The following TBC1D8 variants were observed in gnomAD, a reference collection of about 807,000 sequenced individuals.
The protein encoded by TBC1D8 is BUB2-like protein 1.
TBC1D8 carries 65 observed loss-of-function variants against 118.8 expected under a neutral mutation model. The observed-to-expected ratio is 0.55, with a 90% CI of 0.45 to 0.67. TBC1D8 has a LOEUF of 0.67. TBC1D8 is among the 30% of genes least tolerant of loss of function. The pLI is 0.00. For synonymous variants in TBC1D8, 566 were observed against 595.8 expected (o/e 0.95, Z 0.73); for missense variants, 1,376 against 1,471.2 (o/e 0.94, Z 1.06).
intron 4 of TBC1D8, 146 bp downstream of exon 4, chr2:101,053,962 T>C: frequency 2.9e-6 from 2 of 700,642 alleles, no homozygotes; most frequent in Non-Finnish European, 4.8e-6. Flanking sequence ...AGCAGTAGCA[T>C]ATATAAGTAA....
chr2:101,085,681 G>A (rs1328785177), intron 2 of TBC1D8, among the ~76,000 whole-genome samples: 2 of 152,332 alleles, frequency 1.3e-5, no homozygotes, highest in African/African-American at 4.8e-5. Context: ...TTCTGTGCTA[G>A]AAGAGAATGG....
intron 1 of TBC1D8, among the ~76,000 whole-genome samples, chr2:101,114,803 T>C (rs1337001788): frequency 6.6e-6 from 1 of 152,234 alleles, no homozygotes; most frequent in Non-Finnish European, 1.5e-5. Flanking sequence ...GTCATTCATA[T>C]GGGAATTTAA....
chr2:101,008,840 G>A (rs779494657), intron 19 of TBC1D8, among the ~76,000 whole-genome samples: 3 of 151,856 alleles, frequency 2.0e-5, no homozygotes, highest in Non-Finnish European at 2.9e-5. Context: ...CCACAGCAAC[G>A]TACAGATTTA....
intron 2 of TBC1D8, among the ~76,000 whole-genome samples, chr2:101,085,945 T>A (rs141426144): frequency 6.6e-6 from 1 of 152,098 alleles, no homozygotes; most frequent in Non-Finnish European, 1.5e-5. Context: ...ATTGAGACCA[T>A]CCTGGCTAAC....
intron 17 of TBC1D8, among the ~76,000 whole-genome samples, chr2:101,016,976 A>G (rs1679695872): frequency 2.6e-5 from 4 of 152,064 alleles, no homozygotes; most frequent in Non-Finnish European, 5.9e-5. Flanking sequence ...CCTAATGCTA[A>G]ATGACGAGTT....
intron 3 of TBC1D8, among the ~76,000 whole-genome samples, chr2:101,055,314 C>T (rs182808501): frequency 7.9e-5 from 12 of 151,506 alleles, no homozygotes; most frequent in Non-Finnish European, 1.3e-4. Context: ...GCTTGAACCC[C>T]GGAGGCAGAG....
At chr2:101,068,844 CAAA>C (rs2105433864) in intron 2 of TBC1D8, among the ~76,000 whole-genome samples, 1 of 152,050 alleles carries the variant, frequency 6.6e-6, no homozygotes, top group South Asian at 2.1e-4. Context: ...ACTAAAAATA[CAAA>C]AATTAGCTGA....
chr2:101,137,503 G>A lies in TBC1D8; in HGVS notation c.127+13624C>T, dbSNP rs189829475. 1.0e-3 allele frequency among the ~76,000 whole-genome samples: 157 copies of A among 151,430 alleles called. 1 individual carries two copies. The highest frequency in any genetic ancestry group is 3.6e-3 in the African/African-American group (148 of 41,200). On this transcript the variant is annotated intron_variant, in intron 1 of 19. Coordinates refer to ENST00000409318, the MANE Select transcript of TBC1D8 (RefSeq NM_001330348.2). ...AATTTTTTGTATTTTTAGTAGAGACGGGGTTTCACCGTGTTAGCTAGGATG... is the reference window on the plus strand; with the variant it reads ...AATTTTTTGTATTTTTAGTAGAGACAGGGTTTCACCGTGTTAGCTAGGATG...
chr2:101,085,393 G>GA (rs1331320369), intron 2 of TBC1D8, among the ~76,000 whole-genome samples: 4 of 151,382 alleles, frequency 2.6e-5, no homozygotes, highest in East Asian at 1.9e-4. Context: ...CTAGGGGGGA[G>GA]AAAAAAAATA....
chr2:101,050,427 C>A lies in TBC1D8; in HGVS notation c.846G>T (p.Leu282=), dbSNP rs1307897522. 14 of 1,613,440 alleles carry A rather than the reference C, an allele frequency of 8.7e-6. No individual in the cohort carries two copies. The highest frequency in any genetic ancestry group is 1.3e-5 in the African/African-American group (1 of 74,898). ...TCTTGGTGATCTGGCTCGGCTCCTGCAGATCGGGGTCGAGGTCAAAGACCT... is the reference window on the plus strand; with the variant it reads ...TCTTGGTGATCTGGCTCGGCTCCTGAAGATCGGGGTCGAGGTCAAAGACCT... ...DNEVFDLDPD[L]QEPSQITKRD... is the part of the protein sequence containing the mutation. Residue 282 remains leucine, a synonymous_variant, in exon 5 of 20, where the codon CTG becomes CTT. Transcript: ENST00000409318.
chr2:101,067,146 A>G (rs1683061561), intron 2 of TBC1D8, among the ~76,000 whole-genome samples: 1 of 152,176 alleles, frequency 6.6e-6, no homozygotes, highest in African/African-American at 2.4e-5. Flanking sequence ...CAGAGTGTTT[A>G]CGACTTCAGT....
At position 101,029,899 on chromosome 2, in the gene TBC1D8, C is replaced by A. The variant is rs117127477; in HGVS notation, c.1937-123G>T. ...ATGGAATTTGAGTCCAGAAAAGCGT[C>A]CATGCTTAGTTCATTGATTCTGACT... On this transcript the variant is annotated intron_variant, in intron 11 of 19. Coordinates refer to ENST00000409318, the MANE Select transcript of TBC1D8 (RefSeq NM_001330348.2). 37 of 970,680 alleles carry A rather than the reference C, an allele frequency of 3.8e-5. No homozygotes were observed. In the East Asian group the frequency reaches 8.6e-4, roughly 23 times the overall value. 60.1% of individuals were successfully genotyped at this position (970,680 alleles called of 1,614,324 possible). A position where few individuals can be genotyped will look rare whatever the true frequency, so the allele number is the denominator to read the frequency against.
chr2:101,054,421 G>A (rs1682262064), intron 3 of TBC1D8, 85 bp from the exon 4 acceptor site: 1 of 1,362,394 alleles, frequency 7.3e-7, no homozygotes, highest in Non-Finnish European at 1.0e-6. Flanking sequence ...AGGAGGGACT[G>A]AGGTGCACAG....
chr2:101,027,990 C>T lies in TBC1D8; in HGVS notation c.2451+58G>A, dbSNP rs1680436903. ...CATTCTTATGACCAAAAAGGATGCG[C>T]ACTCCCAGGTTGGCTCCCCAATACC... On this transcript the variant is annotated intron_variant, in intron 14 of 19. Coordinates refer to ENST00000409318, the MANE Select transcript of TBC1D8 (RefSeq NM_001330348.2). The T allele has an allele frequency of 4.7e-6, 7 of 1,490,606 alleles. No homozygotes were observed. The Admixed American group carries it at 1.2e-4, about 26-fold the overall frequency. The allele number at this position is 1,490,606 out of a possible 1,614,324, so 92.3% of individuals were successfully genotyped here.
chr2:101,144,599 A>G (rs571713403), intron 1 of TBC1D8, among the ~76,000 whole-genome samples: 7 of 152,320 alleles, frequency 4.6e-5, no homozygotes, highest in African/African-American at 1.7e-4. Flanking sequence ...ATAGGGGGAA[A>G]AAATCCATGC....
intron 1 of TBC1D8, among the ~76,000 whole-genome samples, chr2:101,116,603 T>C (rs1042882001): frequency 2.5e-4 from 38 of 152,110 alleles, no homozygotes; most frequent in African/African-American, 8.4e-4. Flanking sequence ...CAGGGCCACA[T>C]TGAAGGTGTG....
At chr2:101,068,509 A>G in intron 2 of TBC1D8, 1 of 422,358 alleles carries the variant, frequency 2.4e-6, no homozygotes, top group Non-Finnish European at 4.3e-6. Flanking sequence ...TGTCTCTGGA[A>G]GATGGAACCA....
intron 1 of TBC1D8, among the ~76,000 whole-genome samples, chr2:101,115,663 A>G (rs1330019739): frequency 2.0e-5 from 3 of 152,146 alleles, no homozygotes; most frequent in Non-Finnish European, 4.4e-5. Context: ...AGGCACAAGA[A>G]CTGCTTGAAC....
chr2:101,014,073 G>GACC lies in TBC1D8; in HGVS notation c.2828-2534_2828-2533insGGT, dbSNP rs575793986. Among the ~76,000 whole-genome samples, 185 of 152,336 alleles carry GACC rather than the reference G, an allele frequency of 1.2e-3. 1 individual carries two copies. Among genetic ancestry groups the GACC allele is most frequent in the Admixed American group, 0.011 (172 of 15,300 alleles). On this transcript the variant is annotated intron_variant, in intron 17 of 19. Coordinates refer to ENST00000409318, the MANE Select transcript of TBC1D8 (RefSeq NM_001330348.2). Reference sequence around the variant, plus strand: ...ATCACTTGAGATGCAACAGCTACTGGAGGCAGGGATCATACATCCAATTTC... The same window carrying GACC: ...ATCACTTGAGATGCAACAGCTACTGGACCAGGCAGGGATCATACATCCAATTTC...
Sources: gnomAD v4.1 joint callset for allele counts (sites outside exome capture counted in the v4.1 genomes callset) on GRCh38, gnomAD v4.1.1 for gene constraint, MANE v1.5 for transcripts, NCBI Gene and HGNC (gene_info 2026-07-23, HGNC 2026-07-21) for gene names.